LRRC4C: variants seen among roughly 807,000 people sequenced by gnomAD.
LRRC4C encodes leucine rich repeat containing 4C.
In LRRC4C, 5 loss-of-function variants were observed where a neutral mutation model predicts 33.6. That is an observed-to-expected ratio of 0.15 (90% CI 0.08 to 0.31). The LOEUF (loss-of-function observed/expected upper bound fraction) is 0.31. LRRC4C is among the 10% of genes least tolerant of loss of function. The pLI, the probability that LRRC4C is intolerant of heterozygous loss-of-function variation, is 1.00. For synonymous variants in LRRC4C, 329 were observed against 302.0 expected, an observed-to-expected ratio of 1.09 and a Z score of -0.93; for missense variants, 560 against 796.7, an observed-to-expected ratio of 0.70 and a Z score of 3.58.
chr11:41,294,619 C>T (rs1026748210), intron 1 of LRRC4C, among the ~76,000 whole-genome samples: 19 of 152,000 alleles, frequency 1.3e-4, no homozygotes, highest in Admixed American at 7.2e-4. Context: ...TCATATTATC[C>T]CATTTCTTTA....
intron 1 of LRRC4C, among the ~76,000 whole-genome samples, chr11:41,441,465 C>A (rs1256830786): frequency 6.6e-6 from 1 of 151,606 alleles, no homozygotes; most frequent in Non-Finnish European, 1.5e-5. Flanking sequence ...TTATCAGCCA[C>A]CCCAAAGTTA....
At chr11:40,756,145 C>A (rs1054565247) in intron 2 of LRRC4C, among the ~76,000 whole-genome samples, 4 of 152,000 alleles carry the variant, frequency 2.6e-5, no homozygotes, top group African/African-American at 7.3e-5. Context: ...TCCCTTATGG[C>A]ACTTAGAGGA....
At chr11:40,581,913 A>C (rs1406121960) in intron 3 of LRRC4C, among the ~76,000 whole-genome samples, 2 of 152,192 alleles carry the variant, frequency 1.3e-5, no homozygotes, top group Non-Finnish European at 2.9e-5. Flanking sequence ...TAAATAAATA[A>C]AAGAATAAAA....
chr11:40,747,399 T>C (rs1948480953), intron 2 of LRRC4C, among the ~76,000 whole-genome samples: 1 of 152,038 alleles, frequency 6.6e-6, no homozygotes, highest in South Asian at 2.1e-4. Context: ...TAATCTCTAG[T>C]AAAAAGCTCT....
intron 2 of LRRC4C, among the ~76,000 whole-genome samples, chr11:40,710,795 G>T (rs1366610360): frequency 2.0e-5 from 3 of 152,194 alleles, no homozygotes; most frequent in African/African-American, 7.2e-5. Flanking sequence ...GCTATACCCT[G>T]CCCCCAGAGG....
intron 1 of LRRC4C, among the ~76,000 whole-genome samples, chr11:41,020,964 A>T (rs564354655): frequency 6.6e-6 from 1 of 152,294 alleles, no homozygotes; most frequent in East Asian, 1.9e-4. Flanking sequence ...ATTTTATCAG[A>T]TAAGAATTCC....
intron 2 of LRRC4C, among the ~76,000 whole-genome samples, chr11:40,652,152 G>A (rs556810164): frequency 1.2e-4 from 18 of 152,236 alleles, no homozygotes; most frequent in Non-Finnish European, 1.5e-4. Context: ...TAGATGCCAC[G>A]GCTGCAAGCT....
At chr11:40,202,051 A>G (rs1465840024) in intron 5 of LRRC4C, among the ~76,000 whole-genome samples, 2 of 151,966 alleles carry the variant, frequency 1.3e-5, no homozygotes, top group African/African-American at 4.8e-5. Context: ...TAAGCTATGG[A>G]TTTTGGGCAA....
chr11:40,801,082 G>A (rs1951022313), intron 2 of LRRC4C, among the ~76,000 whole-genome samples: 1 of 151,406 alleles, frequency 6.6e-6, no homozygotes, highest in Non-Finnish European at 1.5e-5. Flanking sequence ...TCTTGACTAA[G>A]TTCTTCCTGA....
intron 1 of LRRC4C, among the ~76,000 whole-genome samples, chr11:41,440,201 G>A (rs1955568873): frequency 6.6e-6 from 1 of 151,948 alleles, no homozygotes; most frequent in Non-Finnish European, 1.5e-5. Context: ...TATATGGTGA[G>A]AGACATGGGT....
intron 3 of LRRC4C, among the ~76,000 whole-genome samples, chr11:40,399,068 T>A (rs1445116917): frequency 1.3e-5 from 2 of 152,090 alleles, no homozygotes; most frequent in African/African-American, 4.8e-5. Flanking sequence ...ATTAGAATCA[T>A]ACACTTAGAA....
intron 1 of LRRC4C, among the ~76,000 whole-genome samples, chr11:41,209,430 A>G (rs1946730713): frequency 6.6e-6 from 1 of 151,766 alleles, no homozygotes; most frequent in Non-Finnish European, 1.5e-5. Flanking sequence ...ACAGGTTCAC[A>G]GTAGGAGAGG....
At chr11:40,673,282 C>T (rs1457893796) in intron 2 of LRRC4C, among the ~76,000 whole-genome samples, 1 of 152,098 alleles carries the variant, frequency 6.6e-6, no homozygotes, top group Non-Finnish European at 1.5e-5. Flanking sequence ...AAATTACCTG[C>T]TGCTTTTTGC....
chr11:40,728,186 C>T (rs547393890), intron 2 of LRRC4C, among the ~76,000 whole-genome samples: 2 of 152,182 alleles, frequency 1.3e-5, no homozygotes, highest in African/African-American at 2.4e-5. Flanking sequence ...AATGGCTATA[C>T]ACTCTTGGTG....
At chr11:40,302,865 G>A (rs997572035) in intron 4 of LRRC4C, among the ~76,000 whole-genome samples, 2 of 152,110 alleles carry the variant, frequency 1.3e-5, no homozygotes, top group African/African-American at 4.8e-5. Flanking sequence ...AGCAAGTCTG[G>A]AATTTCATAG....
At chr11:41,410,014 A>G (rs1048603550) in intron 1 of LRRC4C, among the ~76,000 whole-genome samples, 1 of 152,200 alleles carries the variant, frequency 6.6e-6, no homozygotes, top group Non-Finnish European at 1.5e-5. Context: ...AGATGCATGT[A>G]TATTTTTGCC....
intron 5 of LRRC4C, among the ~76,000 whole-genome samples, chr11:40,171,004 A>G (rs1377987712): frequency 6.6e-6 from 1 of 152,206 alleles, no homozygotes. Context: ...CTTTATCCAG[A>G]GCATTTACAG....
At chr11:40,666,143 C>T (rs563975119) in intron 2 of LRRC4C, among the ~76,000 whole-genome samples, 31 of 152,090 alleles carry the variant, frequency 2.0e-4, no homozygotes, top group East Asian at 1.5e-3. Context: ...TACTACTCTT[C>T]GACAGTCAAA....
chr11:40,852,812 A>G (rs1467647593), intron 2 of LRRC4C, among the ~76,000 whole-genome samples: 1 of 152,194 alleles, frequency 6.6e-6, no homozygotes, highest in African/African-American at 2.4e-5. Context: ...TGAAGTCAAA[A>G]TGGAAATTTT....
Sources: gnomAD v4.1 joint callset for allele counts (sites outside exome capture counted in the v4.1 genomes callset) on GRCh38, gnomAD v4.1.1 for gene constraint, MANE v1.5 for transcripts, NCBI Gene and HGNC (gene_info 2026-07-23, HGNC 2026-07-21) for gene names.